Variants in COX4I1 observed in about 807,000 individuals in gnomAD.
COX4I1 encodes the protein cytochrome c oxidase subunit 4 isoform 1, mitochondrial.
COX4I1 carries 18 observed loss-of-function variants against 21.7 expected under a neutral mutation model. That is an observed-to-expected ratio of 0.83 (90% confidence interval 0.57 to 1.23). The LOEUF (loss-of-function observed/expected upper bound fraction) is 1.23, where lower values mean the gene tolerates loss of function less well. COX4I1 is among the 50% of genes most tolerant of loss of function. The probability of loss-of-function intolerance (pLI) is 0.00; values close to 1 mark genes in which losing one functional copy is unlikely to be tolerated. For missense variants in COX4I1, 238 were observed against 220.7 expected (o/e 1.08, Z -0.50); for synonymous variants, 100 against 81.5 (o/e 1.23, Z -1.23).
Position 85,801,274 on chromosome 16 carries a change from T to C in COX4I1, c.69T>C (p.Ala23=). 1 of 1,606,544 alleles carries C rather than the reference T, an allele frequency of 6.2e-7. No homozygotes were observed. The highest frequency in any genetic ancestry group is 8.5e-7 in the Non-Finnish European group (1 of 1,173,538). ...TTTCCACCTCTGTGTGTGTACGAGC[T>C]CATGGTAAGTGTGACTTTTCTTACT... is the stretch of plus-strand genomic sequence containing the variant. ...RAISTSVCVR[A]HESVVKSEDF... The change falls in exon 2 of 5, where the codon GCT becomes GCC. Residue 23 remains alanine, a synonymous_variant. Coordinates refer to ENST00000253452, the MANE Select transcript of COX4I1 (RefSeq NM_001861.6).
rs1906157546 is a variant in COX4I1, at chr16:85,805,857, G to A, written c.366G>A (p.Lys122=). 3.1e-6 allele frequency: 5 copies of A among 1,614,110 alleles called. No individual in the cohort carries two copies. Among genetic ancestry groups the A allele is most frequent in the African/African-American group, 1.3e-5 (1 of 74,948 alleles). Residue 122 remains lysine (K), a synonymous_variant, in exon 4 of 5, where the codon AAG becomes AAA. Transcript: ENST00000253452. ...GFTALVIMWQ[K]HYVYGPLPQS... is the part of the protein sequence containing the mutation. ...CCGCGCTCGTTATCATGTGGCAGAA[G>A]CACTATGGTGAGTAGAGAGGGAGGA...
At chr16:85,802,091 C>T (rs960951477) in intron 2 of COX4I1, among the ~76,000 whole-genome samples, 8 of 152,148 alleles carry the variant, frequency 5.3e-5, no homozygotes, top group Admixed American at 2.0e-4. Context: ...CCTTTCCGAT[C>T]TTATTACTGA....
intron 2 of COX4I1, among the ~76,000 whole-genome samples, chr16:85,801,832 A>G (rs1162673585): frequency 2.0e-5 from 3 of 152,158 alleles, no homozygotes; most frequent in Non-Finnish European, 2.9e-5. Context: ...GCGTCTATCT[A>G]CTTTGTACCA....
intron 2 of COX4I1, chr16:85,804,693 G>A (rs1567843224): frequency 2.6e-6 from 1 of 391,998 alleles, no homozygotes; most frequent in Non-Finnish European, 4.6e-6. Context: ...GCTGCCTCTG[G>A]GCACCTTGGC....
At chr16:85,805,666 T>C in intron 3 of COX4I1, 67 bp from the exon 4 acceptor site, 1 of 1,599,370 alleles carries the variant, frequency 6.3e-7, no homozygotes, top group Non-Finnish European at 8.6e-7. Flanking sequence ...GGAGAAGTGG[T>C]TGAATGTTGC....
intron 1 of COX4I1, among the ~76,000 whole-genome samples, chr16:85,800,157 G>A (rs1905581718): frequency 6.6e-6 from 1 of 152,248 alleles, no homozygotes; most frequent in African/African-American, 2.4e-5. Flanking sequence ...CGGCTTTCCA[G>A]CCTGGAAGGC....
At position 85,806,910 on chromosome 16, in the gene COX4I1, C is replaced by T; in HGVS notation, c.*36C>T. ...CCTGCGCCTGCACCTGCGCCTGGCT[C>T]TGTCACCGCCATGCAACTCCATGCC... On this transcript the variant is annotated 3_prime_UTR_variant, in exon 5 of 5. Coordinates refer to ENST00000253452, the MANE Select transcript of COX4I1 (RefSeq NM_001861.6). The T allele has an allele frequency of 6.3e-7, 1 of 1,592,262 alleles. No individual in the cohort carries two copies. Among genetic ancestry groups the T allele is most frequent in the Non-Finnish European group, 8.6e-7 (1 of 1,167,858 alleles).
chr16:85,806,268 G>T (rs533486232), intron 4 of COX4I1: 2 of 596,878 alleles, frequency 3.4e-6, no homozygotes, highest in Non-Finnish European at 5.9e-6. Flanking sequence ...CAGCATCTGG[G>T]GGTCCCGACC....
rs981755528 is a variant in COX4I1 at position 85,801,133 on chromosome 16, G to A, written c.-1-72G>A. 22 of 1,339,058 alleles carry A rather than the reference G, an allele frequency of 1.6e-5. No homozygotes were observed. The African/African-American group carries it at 2.8e-4, about 17-fold the overall frequency. The allele number at this position is 1,339,058 out of a possible 1,614,324, so 82.9% of individuals were successfully genotyped here. A position where few individuals can be genotyped will look rare whatever the true frequency, so the allele number is the denominator to read the frequency against. On this transcript the variant is annotated intron_variant, in intron 1 of 4. Coordinates refer to ENST00000253452, the MANE Select transcript of COX4I1 (RefSeq NM_001861.6). ...AAACAAAAAAATTCCAAAATGCTCT[G>A]GGGCAAAAAGAAGACTAATTCCTTG...
intron 2 of COX4I1, among the ~76,000 whole-genome samples, chr16:85,802,684 C>G (rs578062416): frequency 1.3e-5 from 2 of 152,342 alleles, no homozygotes; most frequent in East Asian, 3.9e-4. Flanking sequence ...CAACAGAAAT[C>G]CGTCCATGTT....
rs777378862 is a variant in COX4I1 at position 85,804,912 on chromosome 16, A to T, written c.74-25A>T. ...GACTCTCAACTTACATGGATTTTCAAAGATTTATTCAATATGTTTTTCAGA... is the reference window on the plus strand; with the variant it reads ...GACTCTCAACTTACATGGATTTTCATAGATTTATTCAATATGTTTTTCAGA... On this transcript the variant is annotated intron_variant, in intron 2 of 4. Transcript: ENST00000253452. 19 of 1,583,534 alleles carry T rather than the reference A, an allele frequency of 1.2e-5. No individual in the cohort carries two copies. The African/African-American group carries it at 2.4e-4, about 20-fold the overall frequency.
chr16:85,805,412 G>T (rs1291307408), intron 3 of COX4I1: 2 of 523,744 alleles, frequency 3.8e-6, no homozygotes, highest in African/African-American at 1.9e-5. Context: ...AAAATGCATA[G>T]TGTTTGGTAT....
chr16:85,806,034 C>T (rs1042177359), intron 4 of COX4I1, 170 bp downstream of exon 4: 11 of 898,846 alleles, frequency 1.2e-5, no homozygotes, highest in South Asian at 3.3e-5. Context: ...GAACTGAAGT[C>T]GTGGGAGGTT....
Position 85,805,778 on chromosome 16 carries a change from G to C in COX4I1, c.287G>C (p.Gly96Ala). 1 of 1,614,254 alleles carries C rather than the reference G, an allele frequency of 6.2e-7. No individual in the cohort carries two copies. The highest frequency in any genetic ancestry group is 8.5e-7 in the Non-Finnish European group (1 of 1,180,048). Residue 96 changes from glycine to alanine, a missense_variant, in exon 4 of 5, where the codon GGC (glycine) becomes GCC (alanine). Physicochemically the swap from Gly to Ala is moderately conservative, Grantham distance 60. Coordinates refer to ENST00000253452, the MANE Select transcript of COX4I1 (RefSeq NM_001861.6). ...GAGAGCTTTGCTGAGATGAACAGGG[G>C]CTCGAACGAGTGGAAGACGGTTGTG... ...FKESFAEMNR[G>A]SNEWKTVVGG...
At chr16:85,803,467 A>T (rs1905923698) in intron 2 of COX4I1, 1 of 152,256 alleles carries the variant, frequency 6.6e-6, no homozygotes, top group Non-Finnish European at 1.5e-5. Context: ...TGTTGCGGGC[A>T]TTGTACCTCC....
chr16:85,801,417 C>G, intron 2 of COX4I1, 139 bp downstream of exon 2: 2 of 613,504 alleles, frequency 3.3e-6, no homozygotes, highest in Non-Finnish European at 5.8e-6. Context: ...AATGTTCTCA[C>G]AGGGCTTGGT....
chr16:85,804,673 T>C (rs1267672047), intron 2 of COX4I1: 6 of 344,558 alleles, frequency 1.7e-5, no homozygotes, highest in South Asian at 1.0e-4. Flanking sequence ...TAACTGTTAA[T>C]GTAGGAAGTG....
intron 2 of COX4I1, chr16:85,803,759 G>C (rs552438151): frequency 6.6e-6 from 1 of 152,214 alleles, no homozygotes; most frequent in African/African-American, 2.4e-5. Context: ...GTATGTGCAC[G>C]TGATTTCCAG....
intron 4 of COX4I1, chr16:85,806,224 G>T: frequency 1.7e-6 from 1 of 590,596 alleles, no homozygotes; most frequent in Non-Finnish European, 3.0e-6. Context: ...TTGAATGACT[G>T]TCTGGACTGT....
Sources: allele counts gnomAD v4.1 joint callset (sites outside exome capture counted in the v4.1 genomes callset), GRCh38; gene constraint gnomAD v4.1.1; transcripts MANE v1.5; gene names NCBI Gene and HGNC (gene_info 2026-07-23, HGNC 2026-07-21).